GPRC6A: variants seen among roughly 807,000 people sequenced by gnomAD.
GPRC6A encodes G protein-coupled receptor class C group 6 member A, also known as G protein-coupled receptor family C group 6 member A.
A neutral mutation model predicts 47.0 loss-of-function variants in GPRC6A; 54 were observed. The ratio of observed to expected loss-of-function variants is 1.15; its 90% CI spans 0.92 to 1.44. The LOEUF (loss-of-function observed/expected upper bound fraction) is 1.44. Among genes scored for constraint, GPRC6A ranks in the 40% most tolerant of loss-of-function variants. The probability of loss-of-function intolerance (pLI) is 0.00; values close to 1 mark genes in which losing one functional copy is unlikely to be tolerated. For missense variants in GPRC6A, 1,112 were observed against 1,105.5 expected (o/e 1.01, Z -0.08); for synonymous variants, 347 against 377.1 (o/e 0.92, Z 0.93).
rs556134952 is a variant in GPRC6A, at chr6:116,814,381, T to TA, written c.195-4765dup. 2.2e-3 allele frequency among the ~76,000 whole-genome samples: 334 copies of TA among 152,200 alleles called. 1 individual carries two copies. The highest frequency in any genetic ancestry group is 4.3e-3 in the Admixed American group (66 of 15,278). On this transcript the variant is annotated intron_variant, in intron 1 of 5. Transcript: ENST00000310357. ...AATGTCCATCAATAATAGACTGGAT[T>TA]AAAAAAATGTGGCACATATACACCA... is the stretch of plus-strand genomic sequence containing the variant.
rs201143162 is a variant in GPRC6A, at chr6:116,806,793, A to G, written c.912T>C (p.Asn304=). ...NINKMWIASD[N]WSTATKITTI... ...TGGTAATCTTGGTGGCAGTTGACCA[A>G]TTATCACTAGCAATCCACATCTTAT... The change falls in exon 3 of 6, where the codon AAT becomes AAC. Residue 304 remains asparagine (N), a synonymous_variant. Coordinates refer to ENST00000310357, the MANE Select transcript of GPRC6A (RefSeq NM_148963.4). The G allele has an allele frequency of 6.1e-5, 98 of 1,613,622 alleles. No homozygotes were observed. Among genetic ancestry groups the G allele is most frequent in the Middle Eastern group, 1.7e-4 (1 of 6,058 alleles).
intron 3 of GPRC6A, among the ~76,000 whole-genome samples, chr6:116,803,331 A>C (rs2114590176): frequency 6.6e-6 from 1 of 152,138 alleles, no homozygotes; most frequent in East Asian, 1.9e-4. Context: ...CCCTCTAATC[A>C]ATTCACCTTG....
At chr6:116,810,970 T>C (rs1198379882) in intron 1 of GPRC6A, among the ~76,000 whole-genome samples, 1 of 152,066 alleles carries the variant, frequency 6.6e-6, no homozygotes, top group Admixed American at 6.5e-5. Flanking sequence ...TATCAGTATT[T>C]GAGTAAGGCA....
rs1363162980 is a variant in GPRC6A at position 116,809,311 on chromosome 6, T to C, written c.498+3A>G. On this transcript the variant is annotated splice_donor_region_variant and intron_variant, in intron 2 of 5. Coordinates refer to ENST00000310357, the MANE Select transcript of GPRC6A (RefSeq NM_148963.4). ...CAATGTTTGGAGGTAGCACAAAACCTACCTGTGGCATGAGCTGTAAATTCA... is the reference window on the plus strand; with the variant it reads ...CAATGTTTGGAGGTAGCACAAAACCCACCTGTGGCATGAGCTGTAAATTCA... The C allele has an allele frequency of 6.2e-7, 1 of 1,609,696 alleles. No homozygotes were observed.
chr6:116,819,566 G>C (rs952725018), intron 1 of GPRC6A, among the ~76,000 whole-genome samples: 1 of 151,874 alleles, frequency 6.6e-6, no homozygotes, highest in African/African-American at 2.4e-5. Flanking sequence ...ACTCAAAACC[G>C]CTCAAATACA....
At chr6:116,811,787 T>C (rs560953775) in intron 1 of GPRC6A, among the ~76,000 whole-genome samples, 1 of 151,856 alleles carries the variant, frequency 6.6e-6, no homozygotes, top group South Asian at 2.1e-4. Flanking sequence ...CTGAAGACAG[T>C]TCAGGTTCAA....
intron 3 of GPRC6A, among the ~76,000 whole-genome samples, chr6:116,801,262 T>C (rs2114587354): frequency 6.6e-6 from 1 of 152,316 alleles, no homozygotes; most frequent in East Asian, 1.9e-4. Context: ...AAATGATTTA[T>C]TTTTTAACTT....
chr6:116,827,052 G>A (rs1773701329), intron 1 of GPRC6A, among the ~76,000 whole-genome samples: 1 of 151,806 alleles, frequency 6.6e-6, no homozygotes, highest in African/African-American at 2.4e-5. Flanking sequence ...GGATGGGAAG[G>A]TGGGTGGGTA....
chr6:116,814,190 G>C (rs1773127213), intron 1 of GPRC6A, among the ~76,000 whole-genome samples: 1 of 152,212 alleles, frequency 6.6e-6, no homozygotes, highest in South Asian at 2.1e-4. Context: ...GTGGAAGACA[G>C]TGTGGCGATT....
At chr6:116,804,137 G>A (rs1197315392) in intron 3 of GPRC6A, among the ~76,000 whole-genome samples, 1 of 151,860 alleles carries the variant, frequency 6.6e-6, no homozygotes, top group Non-Finnish European at 1.5e-5. Context: ...AGAAGTAAAG[G>A]AAAACAAACA....
In GPRC6A at chr6:116,795,782, A is replaced by G; in HGVS notation, c.1602T>C (p.Thr534=). Residue 534 remains threonine (T), a synonymous_variant, in exon 5 of 6, where the codon ACT becomes ACC. Coordinates refer to ENST00000310357, the MANE Select transcript of GPRC6A (RefSeq NM_148963.4). ...KECSPGQMKK[T]TRSQHICCYE... ...AGCAACAGATGTGTTGACTTCTTGT[A>G]GTTTTCTTCATTTGCCCAGGACTGC... is the stretch of plus-strand genomic sequence containing the variant. The G allele has an allele frequency of 1.2e-6, 2 of 1,609,042 alleles. No homozygotes were observed. The highest frequency in any genetic ancestry group is 2.7e-5 in the African/African-American group (2 of 74,878).
rs767466079 is a variant in GPRC6A at position 116,807,116 on chromosome 6, T to C, written c.589A>G (p.Lys197Glu). 9 of 1,613,742 alleles carry C rather than the reference T, an allele frequency of 5.6e-6. No individual in the cohort carries two copies. The Admixed American group carries it at 1.5e-4, about 27-fold the overall frequency. Residue 197 changes from lysine to glutamate, a missense_variant, in exon 3 of 6, where the codon AAA becomes GAA. Transcript: ENST00000310357. The part of the protein sequence containing the change: ...RTVPSDFHQI[K>E]AMAHLIQKSG... The stretch of plus-strand genomic sequence containing the variant: ...TTCTGAATCAGGTGAGCCATTGCTT[T>C]AATTTGATGGAAGTCACTGGGCACA...
intron 1 of GPRC6A, among the ~76,000 whole-genome samples, chr6:116,813,187 G>A (rs1773084782): frequency 6.6e-6 from 1 of 152,094 alleles, no homozygotes; most frequent in South Asian, 2.1e-4. Context: ...ACTACCCAAG[G>A]TAATTTATAG....
At chr6:116,816,330 G>A (rs1773204124) in intron 1 of GPRC6A, among the ~76,000 whole-genome samples, 1 of 152,202 alleles carries the variant, frequency 6.6e-6, no homozygotes, top group Non-Finnish European at 1.5e-5. Context: ...GGGAGAAATT[G>A]GCCAAAGGAA....
Position 116,792,892 on chromosome 6 carries a change from A to T in GPRC6A, c.2031T>A (p.Ile677=). 6.2e-7 allele frequency: 1 copy of T among 1,614,112 alleles called. No homozygotes were observed. Among genetic ancestry groups the T allele is most frequent in the Non-Finnish European group, 8.5e-7 (1 of 1,179,996 alleles). ...GCAAAATTTTCAGAGACTTCGTCAA[A>T]ATGCAGGAGATGCAAAGAGTAAAGC... ...GVSFTLCISC[I]LTKSLKILLA... is the part of the protein sequence containing the mutation. Residue 677 remains isoleucine, a synonymous_variant, in exon 6 of 6, where the codon ATT becomes ATA. Coordinates refer to ENST00000310357, the MANE Select transcript of GPRC6A (RefSeq NM_148963.4).
chr6:116,808,438 G>T (rs1220741160), intron 2 of GPRC6A, among the ~76,000 whole-genome samples: 1 of 152,050 alleles, frequency 6.6e-6, no homozygotes, highest in Non-Finnish European at 1.5e-5. Context: ...TATCTTTGAT[G>T]TATTTGATAA....
At chr6:116,808,891 A>C (rs1156349324) in intron 2 of GPRC6A, among the ~76,000 whole-genome samples, 1 of 152,148 alleles carries the variant, frequency 6.6e-6, no homozygotes, top group African/African-American at 2.4e-5. Context: ...TTCCAGGGAA[A>C]TAAATAGTTC....
chr6:116,811,225 C>T (rs1241613553), intron 1 of GPRC6A, among the ~76,000 whole-genome samples: 1 of 152,140 alleles, frequency 6.6e-6, no homozygotes, highest in East Asian at 1.9e-4. Context: ...AAAGAAACTA[C>T]ACTACTACTG....
Position 116,828,876 on chromosome 6 carries a change from T to C in GPRC6A, c.138A>G (p.Glu46=). The C allele has an allele frequency of 6.2e-7, 1 of 1,613,390 alleles. No individual in the cohort carries two copies. Among genetic ancestry groups the C allele is most frequent in the Non-Finnish European group, 8.5e-7 (1 of 1,179,560 alleles). The change falls in exon 1 of 6, where the codon GAA becomes GAG. Residue 46 remains glutamate (E), a synonymous_variant. Coordinates refer to ENST00000310357, the MANE Select transcript of GPRC6A (RefSeq NM_148963.4). ...GAGAGTCTTCTGAGGACAACATTTT[T>C]TCATGAATAGCAAACAAACCTCCAA... ...IIIGGLFAIH[E]KMLSSEDSPR... is the part of the protein sequence containing the mutation.
Sources: gnomAD v4.1 joint callset for allele counts (sites outside exome capture counted in the v4.1 genomes callset) on GRCh38, gnomAD v4.1.1 for gene constraint, MANE v1.5 for transcripts, NCBI Gene and HGNC (gene_info 2026-07-23, HGNC 2026-07-21) for gene names.